WWC2: variants seen among roughly 807,000 people sequenced by gnomAD.
The protein encoded by WWC2 is WW and C2 domain containing 2, also known as protein WWC2.
A neutral mutation model predicts 138.5 loss-of-function variants in WWC2; 101 were observed. The observed-to-expected ratio is 0.73, with a 90% CI of 0.62 to 0.86. WWC2 has a LOEUF of 0.86. Ranked by LOEUF, WWC2 falls within the 40% of genes least tolerant of loss-of-function variation. The pLI is 0.00. For missense variants in WWC2, 1,420 were observed against 1,419.4 expected (o/e 1.00, Z -0.01); for synonymous variants, 558 against 538.4 (o/e 1.04, Z -0.50).
chr4:183,177,197 A>G (rs1734493515), intron 1 of WWC2, among the ~76,000 whole-genome samples: 1 of 152,252 alleles, frequency 6.6e-6, no homozygotes, highest in African/African-American at 2.4e-5. Flanking sequence ...TGCATTAGTC[A>G]GCTCTGCTGT....
At chr4:183,242,522 A>G (rs184026369) in intron 5 of WWC2, among the ~76,000 whole-genome samples, 52 of 152,342 alleles carry the variant, frequency 3.4e-4, no homozygotes, top group Non-Finnish European at 5.9e-4. Flanking sequence ...GCAGCAGTGT[A>G]GTATATGTGT....
chr4:183,310,134 A>G (rs981233293), intron 21 of WWC2, among the ~76,000 whole-genome samples: 4 of 152,226 alleles, frequency 2.6e-5, no homozygotes, highest in African/African-American at 9.6e-5. Flanking sequence ...TGGTGGGTAC[A>G]TGTCATTATA....
intron 4 of WWC2, among the ~76,000 whole-genome samples, chr4:183,228,306 A>C (rs990431493): frequency 6.6e-6 from 1 of 152,122 alleles, no homozygotes; most frequent in South Asian, 2.1e-4. Flanking sequence ...AAAAATTGGC[A>C]GAAAATCCAC....
rs200043297 is a variant in WWC2, at chr4:183,135,548, A to ATG, written c.131+35927_131+35928insGT. On this transcript the variant is annotated intron_variant, in intron 1 of 22. Transcript: ENST00000403733. ...TACTTTTGTTCAGTACTTTAATTAT[A>ATG]TATATATATATAGATACACATGTAG... Among the ~76,000 whole-genome samples, 834 of 144,780 alleles carry ATG rather than the reference A, an allele frequency of 5.8e-3. 13 individuals are homozygous for ATG. The highest frequency in any genetic ancestry group is 0.019 in the African/African-American group (780 of 40,976). The allele number at this position is 144,780 out of a possible 152,430, so 95.0% of individuals were successfully genotyped here.
At chr4:183,278,118 A>G (rs373868373) in intron 16 of WWC2, among the ~76,000 whole-genome samples, 295 of 151,528 alleles carry the variant, frequency 1.9e-3, no homozygotes, top group African/African-American at 6.9e-3. Flanking sequence ...TAGGTCTAAC[A>G]TTTAAGTCTT....
At chr4:183,159,713 CTTT>C (rs5741942) in intron 1 of WWC2, among the ~76,000 whole-genome samples, 49,395 of 141,898 alleles carry the variant, frequency 0.35, 9,028 homozygotes, top group African/African-American at 0.48. Flanking sequence ...CTGAACTTAC[CTTT>C]TTTTTTTTTT....
At chr4:183,159,972 T>C (rs1234537046) in intron 1 of WWC2, among the ~76,000 whole-genome samples, 1 of 152,194 alleles carries the variant, frequency 6.6e-6, no homozygotes, top group African/African-American at 2.4e-5. Context: ...ATAAGGCATT[T>C]CTCACTTTGC....
intron 1 of WWC2, among the ~76,000 whole-genome samples, chr4:183,138,381 A>G: frequency 6.6e-6 from 1 of 152,104 alleles, no homozygotes; most frequent in East Asian, 1.9e-4. Context: ...GTGGTTGTAG[A>G]TCCTAATTAG....
chr4:183,237,697 A>G lies in WWC2; in HGVS notation c.523-2486A>G, dbSNP rs559539058. On this transcript the variant is annotated intron_variant, in intron 4 of 22. Coordinates refer to ENST00000403733, the MANE Select transcript of WWC2 (RefSeq NM_024949.6). The stretch of plus-strand genomic sequence containing the variant: ...CGAGTACCTAAGCACAAACTGATAA[A>G]CATTCAGGTTAAACTCAACGGATAT... Among the ~76,000 whole-genome samples the G allele has an allele frequency of 4.6e-5, 7 of 152,318 alleles. No homozygotes were observed. The East Asian group carries it at 1.2e-3, about 25-fold the overall frequency.
chr4:183,243,545 G>A (rs1331164139), intron 5 of WWC2, among the ~76,000 whole-genome samples: 1 of 152,088 alleles, frequency 6.6e-6, no homozygotes, highest in Non-Finnish European at 1.5e-5. Flanking sequence ...TACTTCACTA[G>A]TCCCATCAGA....
chr4:183,170,129 G>T (rs1470838615), intron 1 of WWC2, among the ~76,000 whole-genome samples: 1 of 152,148 alleles, frequency 6.6e-6, no homozygotes, highest in African/African-American at 2.4e-5. Flanking sequence ...TATTCCAGAT[G>T]CTTATTAACT....
At chr4:183,198,205 GAACA>G (rs1370873937) in intron 2 of WWC2, among the ~76,000 whole-genome samples, 6 of 151,868 alleles carry the variant, frequency 4.0e-5, no homozygotes, top group Admixed American at 3.9e-4. Context: ...CCTGTCTCAA[GAACA>G]AACAAACGAA....
chr4:183,304,912 C>G (rs560835300), intron 21 of WWC2, among the ~76,000 whole-genome samples: 1 of 152,298 alleles, frequency 6.6e-6, no homozygotes, highest in East Asian at 1.9e-4. Context: ...AAACAAGCAT[C>G]AGAACCAGAC....
At chr4:183,295,038 C>T (rs1228219594) in intron 21 of WWC2, among the ~76,000 whole-genome samples, 4 of 151,920 alleles carry the variant, frequency 2.6e-5, no homozygotes, top group African/African-American at 9.7e-5. Context: ...AATGATTTGT[C>T]CTTTAATGAG....
intron 1 of WWC2, among the ~76,000 whole-genome samples, chr4:183,142,874 A>G (rs1319849853): frequency 2.0e-5 from 3 of 152,162 alleles, no homozygotes; most frequent in African/African-American, 4.8e-5. Context: ...CAAATGTTCA[A>G]CTTCCTTCCA....
At chr4:183,157,494 C>T (rs1485287233) in intron 1 of WWC2, among the ~76,000 whole-genome samples, 1 of 151,966 alleles carries the variant, frequency 6.6e-6, no homozygotes, top group Non-Finnish European at 1.5e-5. Flanking sequence ...GTGTGTCACT[C>T]AATTTTTTTT....
rs540372474 is a variant in WWC2 at position 183,279,814 on chromosome 4, ATTC to A, written c.2563-956_2563-954del. ...CATCATTCCTTTTACTGCTTGTAAG[ATTC>A]TTCTTTTTCTTTGATTTTTCAGCAG... On this transcript the variant is annotated intron_variant, in intron 16 of 22. Coordinates refer to ENST00000403733, the MANE Select transcript of WWC2 (RefSeq NM_024949.6). 3.9e-5 allele frequency among the ~76,000 whole-genome samples: 6 copies of A among 152,118 alleles called. No individual in the cohort carries two copies. The South Asian group carries it at 1.0e-3, about 26-fold the overall frequency.
chr4:183,146,680 C>G (rs1733471487), intron 1 of WWC2, among the ~76,000 whole-genome samples: 1 of 152,142 alleles, frequency 6.6e-6, no homozygotes, highest in Non-Finnish European at 1.5e-5. Flanking sequence ...AGATGTCTGT[C>G]TGTATGACAG....
intron 4 of WWC2, among the ~76,000 whole-genome samples, chr4:183,230,857 GAC>G (rs1736223350): frequency 6.6e-6 from 1 of 152,104 alleles, no homozygotes; most frequent in Admixed American, 6.6e-5. Context: ...GAAATAAAGA[GAC>G]ATGAGAAAAT....
Sources: allele counts gnomAD v4.1 joint callset (sites outside exome capture counted in the v4.1 genomes callset), GRCh38; gene constraint gnomAD v4.1.1; transcripts MANE v1.5; gene names NCBI Gene and HGNC (gene_info 2026-07-23, HGNC 2026-07-21).